MEIS1: variants seen among roughly 807,000 people sequenced by gnomAD.
MEIS1 encodes Meis homeobox 1.
In MEIS1, 5 loss-of-function variants were observed where a neutral mutation model predicts 50.8. The observed-to-expected ratio is 0.10, with a 90% CI of 0.05 to 0.21. The LOEUF is 0.21. MEIS1 is among the 10% of genes least tolerant of loss of function. The pLI is 1.00. For missense variants in MEIS1, 318 were observed against 517.3 expected (o/e 0.61, Z 3.74); for synonymous variants, 176 against 179.3 (o/e 0.98, Z 0.15).
At position 66,481,096 on chromosome 2, in the gene MEIS1, C is replaced by CT. The variant is rs556996348; in HGVS notation, c.742+16876_742+16877insT. On this transcript the variant is annotated intron_variant, in intron 7 of 12. Transcript: ENST00000272369. Reference sequence around the variant, plus strand: ...AATGAGCAGAGAGGCAAGTCTGCTGCCTCAGGCATCCTGATCCCCTGCAGC... The same window carrying CT: ...AATGAGCAGAGAGGCAAGTCTGCTGCTCTCAGGCATCCTGATCCCCTGCAGC... 3.3e-5 allele frequency among the ~76,000 whole-genome samples: 5 copies of CT among 152,154 alleles called. No individual in the cohort carries two copies. In the South Asian group the frequency reaches 1.0e-3, roughly 32 times the overall value.
chr2:66,446,971 A>G (rs891582402), intron 6 of MEIS1, among the ~76,000 whole-genome samples: 1 of 151,920 alleles, frequency 6.6e-6, no homozygotes, highest in African/African-American at 2.4e-5. Flanking sequence ...CTTTAAACTG[A>G]GGTAGAACTT....
At chr2:66,485,288 T>A (rs1673115702) in intron 7 of MEIS1, among the ~76,000 whole-genome samples, 1 of 152,086 alleles carries the variant, frequency 6.6e-6, no homozygotes, top group African/African-American at 2.4e-5. Context: ...CACTGTGTGA[T>A]ATTTCCCTCC....
In MEIS1 at chr2:66,443,056, CT is replaced by C; in HGVS notation, c.630+12del. 6.4e-7 allele frequency: 1 copy of C among 1,566,814 alleles called. No homozygotes were observed. Among genetic ancestry groups the C allele is most frequent in the Non-Finnish European group, 8.6e-7 (1 of 1,164,432 alleles). The stretch of plus-strand genomic sequence containing the variant: ...GCAAATCTAACTGACCAGGTATGCG[CT>C]TTTCAATTTCAACATCCCTGGGAAA... On this transcript the variant is annotated intron_variant, in intron 6 of 12. Coordinates refer to ENST00000272369, the MANE Select transcript of MEIS1 (RefSeq NM_002398.3).
At chr2:66,443,432 T>C (rs1672049494) in intron 6 of MEIS1, 2 of 187,930 alleles carry the variant, frequency 1.1e-5, no homozygotes, top group Non-Finnish European at 2.1e-5. Flanking sequence ...AAGTGTAGGG[T>C]CTGCTTATTT....
chr2:66,441,603 A>C lies in MEIS1; in HGVS notation c.483+139A>C. 5.9e-6 allele frequency: 4 copies of C among 675,798 alleles called. No homozygotes were observed. The South Asian group carries it at 8.4e-5, about 14-fold the overall frequency. 41.9% of individuals were successfully genotyped at this position (675,798 alleles called of 1,614,324 possible). On this transcript the variant is annotated intron_variant, in intron 5 of 12. Coordinates refer to ENST00000272369, the MANE Select transcript of MEIS1 (RefSeq NM_002398.3). ...CTTTCTGGTAATTAGTGTCAAGGCC[A>C]ATCTTAGCGTCCATTTCTCTTCGCA...
At chr2:66,528,955 G>A (rs1283554463) in intron 8 of MEIS1, among the ~76,000 whole-genome samples, 2 of 152,120 alleles carry the variant, frequency 1.3e-5, no homozygotes, top group Non-Finnish European at 2.9e-5. Flanking sequence ...AGGGCTTACA[G>A]CTCCCCATCA....
At chr2:66,483,007 G>A (rs1180897210) in intron 7 of MEIS1, among the ~76,000 whole-genome samples, 1 of 152,150 alleles carries the variant, frequency 6.6e-6, no homozygotes, top group Admixed American at 6.5e-5. Context: ...CCATAAAATG[G>A]AAGTAGTATT....
chr2:66,450,385 A>T (rs1672249891), intron 6 of MEIS1, among the ~76,000 whole-genome samples: 1 of 152,166 alleles, frequency 6.6e-6, no homozygotes, highest in South Asian at 2.1e-4. Context: ...AGGCAGGAGG[A>T]TCACTTGTGC....
At chr2:66,546,150 AGGGAAATAAGAAAAAG>A (rs1674786008) in intron 8 of MEIS1, among the ~76,000 whole-genome samples, 1 of 152,312 alleles carries the variant, frequency 6.6e-6, no homozygotes, top group South Asian at 2.1e-4. Flanking sequence ...GCTTGCTATT[AGGGAAATAAGAAAAAG>A]ATGAATGTGA....
intron 10 of MEIS1, chr2:66,567,794 T>TC: frequency 1.7e-6 from 1 of 594,330 alleles, no homozygotes; most frequent in Admixed American, 2.9e-5. Context: ...TAATGTTATT[T>TC]TTTTTCTGAG....
chr2:66,489,271 A>T (rs748678723), intron 7 of MEIS1, among the ~76,000 whole-genome samples: 2 of 152,238 alleles, frequency 1.3e-5, no homozygotes, highest in African/African-American at 4.8e-5. Flanking sequence ...GTAGAAAAAT[A>T]CGCCTTAGTT....
At chr2:66,465,301 A>G (rs975246037) in intron 7 of MEIS1, among the ~76,000 whole-genome samples, 5 of 152,244 alleles carry the variant, frequency 3.3e-5, no homozygotes, top group Admixed American at 3.3e-4. Flanking sequence ...TTTATTGTTC[A>G]AAGAAAAGTT....
At chr2:66,514,313 T>C (rs939138089) in intron 8 of MEIS1, among the ~76,000 whole-genome samples, 23 of 152,308 alleles carry the variant, frequency 1.5e-4, no homozygotes, top group African/African-American at 4.8e-4. Flanking sequence ...GACCCTTGCA[T>C]AGAGCTACAT....
intron 6 of MEIS1, among the ~76,000 whole-genome samples, chr2:66,451,328 A>C (rs1207594646): frequency 6.6e-6 from 1 of 152,116 alleles, no homozygotes; most frequent in Non-Finnish European, 1.5e-5. Context: ...TTGCATTCAT[A>C]TCACATCCCA....
chr2:66,452,013 A>T (rs1672287200), intron 6 of MEIS1, among the ~76,000 whole-genome samples: 1 of 151,860 alleles, frequency 6.6e-6, no homozygotes, highest in African/African-American at 2.4e-5. Context: ...AATCCAGCCA[A>T]TATATATATA....
At chr2:66,439,273 C>T (rs1425052821) in intron 2 of MEIS1, 1 of 1,069,552 alleles carries the variant, frequency 9.3e-7, no homozygotes, top group Non-Finnish European at 1.1e-6. Flanking sequence ...GAGGAGGAGC[C>T]TCCCGGCTCT....
intron 6 of MEIS1, 41 bp downstream of exon 6, chr2:66,443,089 A>AC: frequency 6.4e-7 from 1 of 1,554,862 alleles, no homozygotes. Context: ...GAAAAAAAAA[A>AC]ATCTGTATGC....
chr2:66,532,957 C>T (rs1674430533), intron 8 of MEIS1, among the ~76,000 whole-genome samples: 1 of 152,116 alleles, frequency 6.6e-6, no homozygotes, highest in Non-Finnish European at 1.5e-5. Context: ...TATCCAAAAT[C>T]CTGCCATCAA....
At chr2:66,541,994 AAAGTATCCTAG>A (rs1194432330) in intron 8 of MEIS1, among the ~76,000 whole-genome samples, 3 of 152,230 alleles carry the variant, frequency 2.0e-5, no homozygotes, top group African/African-American at 7.2e-5. Context: ...TTAAAGGAAA[AAAGTATCCTAG>A]ATCAATGTAA....
Sources: gnomAD v4.1 joint callset for allele counts (sites outside exome capture counted in the v4.1 genomes callset) on GRCh38, gnomAD v4.1.1 for gene constraint, MANE v1.5 for transcripts, NCBI Gene and HGNC (gene_info 2026-07-23, HGNC 2026-07-21) for gene names.